The following ARHGEF12 variants were observed in gnomAD, a reference collection of about 807,000 sequenced individuals.
ARHGEF12 encodes KMT2A/ARHGEF12 fusion protein.
ARHGEF12 carries 66 observed loss-of-function variants against 211.2 expected under a neutral mutation model. That is an observed-to-expected ratio of 0.31 (90% CI 0.26 to 0.38). ARHGEF12 has a LOEUF of 0.38. Ranked by LOEUF, ARHGEF12 falls within the 10% of genes least tolerant of loss-of-function variation. The pLI is 1.00. For missense variants in ARHGEF12, 1,429 were observed against 1,869.5 expected, an observed-to-expected ratio of 0.76 and a Z score of 4.34; for synonymous variants, 592 against 638.4, an observed-to-expected ratio of 0.93 and a Z score of 1.09.
chr11:120,435,737 C>T (rs1458606752), intron 11 of ARHGEF12, among the ~76,000 whole-genome samples: 7 of 151,768 alleles, frequency 4.6e-5, no homozygotes, highest in South Asian at 2.1e-4. Flanking sequence ...AGGATGGTCT[C>T]GATCTCCTGA....
intron 1 of ARHGEF12, among the ~76,000 whole-genome samples, chr11:120,399,342 A>G (rs1022102283): frequency 6.7e-6 from 1 of 148,290 alleles, no homozygotes; most frequent in African/African-American, 2.5e-5. Context: ...AAAAAAAAAA[A>G]AAAAAAAAAG....
At position 120,350,394 on chromosome 11, in the gene ARHGEF12, A is replaced by T. The variant is rs1236386056; in HGVS notation, c.32+13119A>T. ...GCCGAGTATGGTGGTGGGCACCTGT[A>T]GTCCCAGCTGCTGGGGAGGCTGAGG... is the stretch of plus-strand genomic sequence containing the variant. On this transcript the variant is annotated intron_variant, in intron 1 of 40. Coordinates refer to ENST00000397843, the MANE Select transcript of ARHGEF12 (RefSeq NM_015313.3). 5.3e-5 allele frequency among the ~76,000 whole-genome samples: 8 copies of T among 152,024 alleles called. 1 individual carries two copies.
intron 15 of ARHGEF12, among the ~76,000 whole-genome samples, chr11:120,444,728 A>G (rs1945993277): frequency 6.6e-6 from 1 of 152,202 alleles, no homozygotes. Flanking sequence ...ATTCCCCTCC[A>G]TTAGTTTGGG....
At chr11:120,339,503 G>A (rs981158686) in intron 1 of ARHGEF12, among the ~76,000 whole-genome samples, 1 of 152,100 alleles carries the variant, frequency 6.6e-6, no homozygotes, top group Non-Finnish European at 1.5e-5. Context: ...TAGAACTGTT[G>A]GAAAATTAAC....
Position 120,485,091 on chromosome 11 carries a change from G to A in ARHGEF12, c.*14G>A, listed in dbSNP as rs1453963460. 6.2e-7 allele frequency: 1 copy of A among 1,613,508 alleles called. No homozygotes were observed. Among genetic ancestry groups the A allele is most frequent in the South Asian group, 1.1e-5 (1 of 91,010 alleles). On this transcript the variant is annotated 3_prime_UTR_variant, in exon 41 of 41. Coordinates refer to ENST00000397843, the MANE Select transcript of ARHGEF12 (RefSeq NM_015313.3). ...GATAAAAGTTAGAGCCGCATGTCCT[G>A]GAGGTGACTGCAGGTTGTTGGATTT...
At chr11:120,430,043 T>G (rs1263854452) in intron 10 of ARHGEF12, among the ~76,000 whole-genome samples, 1 of 152,202 alleles carries the variant, frequency 6.6e-6, no homozygotes, top group Non-Finnish European at 1.5e-5. Flanking sequence ...CATTTCTTTG[T>G]TCCATAATAA....
intron 6 of ARHGEF12, among the ~76,000 whole-genome samples, chr11:120,423,600 AT>A (rs139143905): frequency 0.013 from 1,969 of 149,060 alleles, 50 homozygotes; most frequent in African/African-American, 0.046. Context: ...AAAAAGTTTT[AT>A]TTTTTTTTTC....
rs575342131 is a variant in ARHGEF12, at chr11:120,388,629, G to T, written c.33-17489G>T. On this transcript the variant is annotated intron_variant, in intron 1 of 40. Transcript: ENST00000397843. ...CACAACTTCATTAATAGTTGGTTTTGTCAGTCTTTTTAATTTTAGCCATTT... is the reference window on the plus strand; with the variant it reads ...CACAACTTCATTAATAGTTGGTTTTTTCAGTCTTTTTAATTTTAGCCATTT... Among the ~76,000 whole-genome samples, 4 of 152,214 alleles carry T rather than the reference G, an allele frequency of 2.6e-5. No individual in the cohort carries two copies. The East Asian group carries it at 7.7e-4, about 29-fold the overall frequency.
intron 30 of ARHGEF12, among the ~76,000 whole-genome samples, chr11:120,469,598 G>A (rs1315107540): frequency 6.6e-6 from 1 of 152,174 alleles, no homozygotes; most frequent in African/African-American, 2.4e-5. Context: ...CAAGCTGCTT[G>A]TTTGCTCTTT....
chr11:120,413,188 A>G (rs1193189375), intron 4 of ARHGEF12, among the ~76,000 whole-genome samples: 1 of 152,144 alleles, frequency 6.6e-6, no homozygotes, highest in African/African-American at 2.4e-5. Flanking sequence ...TTTCCAAAAC[A>G]TGTTTTGGCA....
At chr11:120,401,024 A>G (rs919650832) in intron 1 of ARHGEF12, among the ~76,000 whole-genome samples, 1 of 152,230 alleles carries the variant, frequency 6.6e-6, no homozygotes, top group African/African-American at 2.4e-5. Context: ...CGTCAGCTGT[A>G]GCTTCTGTTT....
At chr11:120,338,392 C>T (rs1942421885) in intron 1 of ARHGEF12, among the ~76,000 whole-genome samples, 1 of 152,214 alleles carries the variant, frequency 6.6e-6, no homozygotes, top group Non-Finnish European at 1.5e-5. Flanking sequence ...ATTCCATTAT[C>T]ATACCATAAC....
chr11:120,469,172 C>G (rs955431870), intron 29 of ARHGEF12, 116 bp from the exon 30 acceptor site: 2 of 773,366 alleles, frequency 2.6e-6, no homozygotes, highest in South Asian at 2.3e-5. Flanking sequence ...GTACAAAAAT[C>G]TTCAAGGTCT....
At chr11:120,396,984 A>G (rs754142850) in intron 1 of ARHGEF12, among the ~76,000 whole-genome samples, 7 of 152,258 alleles carry the variant, frequency 4.6e-5, no homozygotes, top group Non-Finnish European at 1.0e-4. Flanking sequence ...TAAGAAATGC[A>G]TCTTCCACAT....
chr11:120,363,956 C>G (rs541656354), intron 1 of ARHGEF12, among the ~76,000 whole-genome samples: 3 of 152,290 alleles, frequency 2.0e-5, no homozygotes, highest in East Asian at 1.9e-4. Context: ...GTGATATTCA[C>G]TTGTTTGGGG....
chr11:120,346,258 A>G (rs1340956515), intron 1 of ARHGEF12, among the ~76,000 whole-genome samples: 1 of 152,218 alleles, frequency 6.6e-6, no homozygotes, highest in African/African-American at 2.4e-5. Flanking sequence ...GTGGCTTACA[A>G]CACTGCTTTT....
chr11:120,424,840 C>G (rs1171374824), intron 7 of ARHGEF12, among the ~76,000 whole-genome samples: 1 of 152,210 alleles, frequency 6.6e-6, no homozygotes, highest in Admixed American at 6.5e-5. Flanking sequence ...GTTGAGAAGT[C>G]AGACATATGG....
chr11:120,453,022 A>AAC (rs1352362237), intron 22 of ARHGEF12, among the ~76,000 whole-genome samples: 4 of 151,908 alleles, frequency 2.6e-5, no homozygotes, highest in Non-Finnish European at 5.9e-5. Flanking sequence ...CAAAAACAAA[A>AAC]AAAAACGACA....
Position 120,415,961 on chromosome 11 carries a change from T to C in ARHGEF12, c.200-4792T>C, listed in dbSNP as rs535852771. ...GATTTGGGGAGAAGAAAAAATTGAA[T>C]AGGATGTGTGCATAGTTCTTTTTCC... On this transcript the variant is annotated intron_variant, in intron 4 of 40. Coordinates refer to ENST00000397843, the MANE Select transcript of ARHGEF12 (RefSeq NM_015313.3). Among the ~76,000 whole-genome samples, 6 of 152,334 alleles carry C rather than the reference T, an allele frequency of 3.9e-5. No homozygotes were observed. The South Asian group carries it at 8.3e-4, about 21-fold the overall frequency.
Sources: allele counts gnomAD v4.1 joint callset (sites outside exome capture counted in the v4.1 genomes callset), GRCh38; gene constraint gnomAD v4.1.1; transcripts MANE v1.5; gene names NCBI Gene and HGNC (gene_info 2026-07-23, HGNC 2026-07-21).